The following POLR3B variants were observed in gnomAD, a reference collection of about 807,000 sequenced individuals.
POLR3B encodes RNA polymerase III subunit B.
A neutral mutation model predicts 147.4 loss-of-function variants in POLR3B; 96 were observed. The ratio of observed to expected loss-of-function variants is 0.65; its 90% CI spans 0.55 to 0.77. The LOEUF (loss-of-function observed/expected upper bound fraction) is 0.77. Among genes scored for constraint, POLR3B ranks in the 30% least tolerant of loss-of-function variants. The pLI is 0.00. For missense variants in POLR3B, 1,036 were observed against 1,413.5 expected (o/e 0.73, Z 4.28); for synonymous variants, 461 against 485.9 (o/e 0.95, Z 0.67).
intron 19 of POLR3B, chr12:106,446,316 CAG>C (rs2037721955): frequency 6.6e-6 from 3 of 451,886 alleles, no homozygotes; most frequent in South Asian, 3.1e-5. Context: ...AAGATCGAAA[CAG>C]AGCTGCAACT....
chr12:106,405,890 CA>C lies in POLR3B; in HGVS notation c.883del (p.Arg295GlyfsTer12). 1 of 1,612,652 alleles carries C rather than the reference CA, an allele frequency of 6.2e-7. No homozygotes were observed. On this transcript the variant is annotated frameshift_variant, in exon 11 of 28. Coordinates refer to ENST00000228347, the MANE Select transcript of POLR3B (RefSeq NM_018082.6). LOFTEE classifies it high-confidence loss of function. ...ATATATAGGGAACAAAGTAAGAAGG[CA>C]AAGGATGTGGGGAGGTGGACCAAAG... ...LKYIGNKVRR[Q>X]RMWGGGPKKT...
chr12:106,379,597 A>G (rs1040064697), intron 8 of POLR3B, among the ~76,000 whole-genome samples: 5 of 152,234 alleles, frequency 3.3e-5, no homozygotes, highest in African/African-American at 1.2e-4. Flanking sequence ...GCTTTACTAT[A>G]TACCAAGACT....
chr12:106,365,373 G>A (rs751096893), intron 2 of POLR3B, among the ~76,000 whole-genome samples: 5 of 152,086 alleles, frequency 3.3e-5, no homozygotes, highest in East Asian at 3.9e-4. Context: ...TAAAATGGTC[G>A]TAAGGTCAAG....
intron 6 of POLR3B, among the ~76,000 whole-genome samples, chr12:106,370,854 A>T: frequency 6.6e-6 from 1 of 150,756 alleles, no homozygotes; most frequent in East Asian, 1.9e-4. Flanking sequence ...CTAGTCTTGA[A>T]CTCCTGACCT....
chr12:106,380,322 C>T (rs1438882793), intron 9 of POLR3B, among the ~76,000 whole-genome samples, 183 bp downstream of exon 9: 1 of 151,214 alleles, frequency 6.6e-6, no homozygotes, highest in Non-Finnish European at 1.5e-5. Context: ...GCCTGAAATC[C>T]CAACACTTTG....
intron 20 of POLR3B, among the ~76,000 whole-genome samples, chr12:106,456,532 AATT>A (rs2037865282): frequency 6.6e-6 from 1 of 152,034 alleles, no homozygotes; most frequent in Non-Finnish European, 1.5e-5. Flanking sequence ...TCTGGAGAAA[AATT>A]ATTGTTTTTA....
Position 106,443,441 on chromosome 12 carries a change from G to A in POLR3B, c.1956-1022G>A, listed in dbSNP as rs185949743. ...TTCAGTTTCTCAGTCACACTAGCCC[G>A]GCATTTCAAGTGCTCAGTAGCCACA... is the stretch of plus-strand genomic sequence containing the variant. On this transcript the variant is annotated intron_variant, in intron 18 of 27. Coordinates refer to ENST00000228347, the MANE Select transcript of POLR3B (RefSeq NM_018082.6). Among the ~76,000 whole-genome samples, 632 of 152,074 alleles carry A rather than the reference G, an allele frequency of 4.2e-3. 8 individuals are homozygous for A. Among genetic ancestry groups the A allele is most frequent in the African/African-American group, 0.015 (613 of 41,476 alleles).
At chr12:106,409,704 TTTA>T (rs1326807141) in intron 11 of POLR3B, among the ~76,000 whole-genome samples, 3 of 151,572 alleles carry the variant, frequency 2.0e-5, no homozygotes, top group East Asian at 1.9e-4. Context: ...AGTCTATTGA[TTTA>T]TTGTCATAGT....
chr12:106,366,467 C>A, intron 2 of POLR3B, 49 bp from the exon 3 acceptor site: 1 of 1,225,192 alleles, frequency 8.2e-7, no homozygotes, highest in Non-Finnish European at 1.2e-6. Flanking sequence ...ATCATCAGTA[C>A]TCTTTGCACT....
Position 106,471,314 on chromosome 12 carries a change from A to G in POLR3B, c.2713+7694A>G, listed in dbSNP as rs547935055. Among the ~76,000 whole-genome samples the G allele has an allele frequency of 2.0e-5, 3 of 152,292 alleles. No homozygotes were observed. The South Asian group carries it at 6.2e-4, about 32-fold the overall frequency. ...TCCTGCTCTGCCGGTTGTGAAGACCATGGGGAAAGCACAGTATTTGGGCAG... is the reference window on the plus strand; with the variant it reads ...TCCTGCTCTGCCGGTTGTGAAGACCGTGGGGAAAGCACAGTATTTGGGCAG... On this transcript the variant is annotated intron_variant, in intron 23 of 27. Transcript: ENST00000228347.
chr12:106,447,462 C>T (rs2037738568), intron 19 of POLR3B, among the ~76,000 whole-genome samples: 1 of 152,142 alleles, frequency 6.6e-6, no homozygotes, highest in African/African-American at 2.4e-5. Flanking sequence ...TCTTACTGTG[C>T]CACTGAGAAG....
chr12:106,376,768 C>A (rs1018449436), intron 7 of POLR3B, among the ~76,000 whole-genome samples: 3 of 152,138 alleles, frequency 2.0e-5, no homozygotes, highest in African/African-American at 7.2e-5. Context: ...CAGGCTTGTG[C>A]CACCATACCC....
At position 106,418,518 on chromosome 12, in the gene POLR3B, C is replaced by T. The variant is rs186454638; in HGVS notation, c.1101+7558C>T. On this transcript the variant is annotated intron_variant, in intron 12 of 27. Coordinates refer to ENST00000228347, the MANE Select transcript of POLR3B (RefSeq NM_018082.6). ...TAAACACTAAATAGCAATCTCAAGA[C>T]GCCTAATTAGAATTCTCTGACATTA... Among the ~76,000 whole-genome samples the T allele has an allele frequency of 3.0e-3, 459 of 152,316 alleles. 1 individual carries two copies. The highest frequency in any genetic ancestry group is 9.3e-3 in the African/African-American group (388 of 41,574).
intron 7 of POLR3B, 21 bp from the exon 8 acceptor site, chr12:106,378,246 T>G (rs757480678): frequency 6.9e-7 from 1 of 1,440,808 alleles, no homozygotes; most frequent in South Asian, 1.1e-5. Flanking sequence ...TGATGAAGTT[T>G]TTCTTGTTTC....
chr12:106,483,464 CA>C (rs2038296318), intron 23 of POLR3B, among the ~76,000 whole-genome samples: 2 of 152,136 alleles, frequency 1.3e-5, no homozygotes, highest in African/African-American at 4.8e-5. Flanking sequence ...ACACCTGAAG[CA>C]AAAAGATGGA....
chr12:106,357,914 C>G lies in POLR3B; in HGVS notation c.35C>G (p.Thr12Ser). ...DVLAEEFGNLTPEQLAAPIPT... is the reference protein window; with the variant it reads ...DVLAEEFGNLSPEQLAAPIPT... ...CTAGCGGAGGAGTTTGGGAACCTGA[C>G]TCCGGAGCAGCTGGCGGCGCCGATC... The change falls in exon 1 of 28, where the codon ACT (threonine) becomes AGT (serine). Residue 12 changes from threonine to serine, a missense_variant. Physicochemically the swap from Thr to Ser is moderately conservative, Grantham distance 58. This residue lies in a region of POLR3B where 150 missense variants were observed against 145.5 expected (regional missense o/e 1.03). Coordinates refer to ENST00000228347, the MANE Select transcript of POLR3B (RefSeq NM_018082.6). 1 of 1,613,610 alleles carries G rather than the reference C, an allele frequency of 6.2e-7. No individual in the cohort carries two copies. Among genetic ancestry groups the G allele is most frequent in the Non-Finnish European group, 8.5e-7 (1 of 1,179,992 alleles).
At chr12:106,381,224 C>G (rs2036759169) in intron 9 of POLR3B, among the ~76,000 whole-genome samples, 2 of 152,154 alleles carry the variant, frequency 1.3e-5, no homozygotes, top group Non-Finnish European at 2.9e-5. Flanking sequence ...CAGCTATTGA[C>G]TCTTCCTTCA....
chr12:106,427,179 C>CTT lies in POLR3B; in HGVS notation c.1102-4_1102-3dup, dbSNP rs202125845. 8,683 of 1,225,982 alleles carry CTT rather than the reference C, an allele frequency of 7.1e-3. 83 individuals are homozygous for CTT. The highest frequency in any genetic ancestry group is 0.064 in the African/African-American group (3,912 of 61,436). The allele number at this position is 1,225,982 out of a possible 1,614,324, so 75.9% of individuals were successfully genotyped here. On this transcript the variant is annotated splice_polypyrimidine_tract_variant and intron_variant, in intron 12 of 27. Transcript: ENST00000228347. ...TGCTTTTTGAAAAATCACCATATAC[C>CTT]TTTTTTTTTTTTTTTAGCTTTTATC...
intron 9 of POLR3B, among the ~76,000 whole-genome samples, chr12:106,383,918 C>T (rs551985488): frequency 6.7e-5 from 10 of 149,702 alleles, no homozygotes; most frequent in African/African-American, 2.0e-4. Flanking sequence ...GTGGAGGTTG[C>T]GGTGAGCCGA....
Sources: gnomAD v4.1 joint callset for allele counts (sites outside exome capture counted in the v4.1 genomes callset) on GRCh38, gnomAD v4.1.1 for gene constraint, gnomAD v4.1.1 regional missense constraint, MANE v1.5 for transcripts, NCBI Gene and HGNC (gene_info 2026-07-23, HGNC 2026-07-21) for gene names.